RSPO4: variants seen among roughly 807,000 people sequenced by gnomAD.
RSPO4 encodes R-spondin-4.
A neutral mutation model predicts 24.8 loss-of-function variants in RSPO4; 23 were observed. The observed-to-expected ratio is 0.93, with a 90% CI of 0.67 to 1.31. The LOEUF is 1.31. RSPO4 is among the 40% of genes most tolerant of loss of function. The pLI, the probability that RSPO4 is intolerant of heterozygous loss-of-function variation, is 0.00. For missense variants in RSPO4, 333 were observed against 316.5 expected, an observed-to-expected ratio of 1.05 and a Z score of -0.39; for synonymous variants, 141 against 127.4, an observed-to-expected ratio of 1.11 and a Z score of -0.72.
At chr20:976,255 C>T (rs555343131) in intron 1 of RSPO4, among the ~76,000 whole-genome samples, 2 of 152,234 alleles carry the variant, frequency 1.3e-5, no homozygotes, top group African/African-American at 4.8e-5. Flanking sequence ...TGTCAACCAA[C>T]ATCTGGACCC....
At chr20:998,074 G>A (rs572529097) in intron 1 of RSPO4, among the ~76,000 whole-genome samples, 1 of 152,360 alleles carries the variant, frequency 6.6e-6, no homozygotes, top group Admixed American at 6.5e-5. Context: ...AGATGGGGAA[G>A]CACGGACGGG....
At chr20:993,743 T>C (rs1349906165) in intron 1 of RSPO4, among the ~76,000 whole-genome samples, 2 of 152,160 alleles carry the variant, frequency 1.3e-5, no homozygotes, top group Non-Finnish European at 2.9e-5. Context: ...ATTGCTAATA[T>C]TTGGCTGTTT....
rs183982065 is a variant in RSPO4, at chr20:987,522, A to G, written c.79+14564T>C. On this transcript the variant is annotated intron_variant, in intron 1 of 4. Transcript: ENST00000217260. ...GAACACTGTCCAGGTGCGGTGGCTC[A>G]CACCTGTAATCCCAGCACTTTGGGA... Among the ~76,000 whole-genome samples the G allele has an allele frequency of 8.7e-4, 133 of 152,198 alleles. 1 individual carries two copies. The highest frequency in any genetic ancestry group is 1.5e-3 in the Non-Finnish European group (105 of 68,008).
intron 1 of RSPO4, among the ~76,000 whole-genome samples, chr20:998,879 TGGTAGGA>T: frequency 6.6e-6 from 1 of 152,092 alleles, no homozygotes. Context: ...AGGTCAAAGC[TGGTAGGA>T]CCCTGAGGGA....
At chr20:978,514 C>T (rs1984638050) in intron 1 of RSPO4, among the ~76,000 whole-genome samples, 1 of 152,174 alleles carries the variant, frequency 6.6e-6, no homozygotes, top group African/African-American at 2.4e-5. Context: ...ACCCATTATG[C>T]CCATTCATTA....
rs958515829 is a variant in RSPO4, at chr20:970,870, C to A, written c.80-2732G>T. Among the ~76,000 whole-genome samples the A allele has an allele frequency of 2.0e-5, 3 of 152,176 alleles. No individual in the cohort carries two copies. Among genetic ancestry groups the A allele is most frequent in the Non-Finnish European group, 4.4e-5 (3 of 68,028 alleles). ...TTGTTTTGTTTTGTTAAGACAGGATCTTGCTCTGTCACCCAGGCTCCAGTG... is the reference window on the plus strand; with the variant it reads ...TTGTTTTGTTTTGTTAAGACAGGATATTGCTCTGTCACCCAGGCTCCAGTG... On this transcript the variant is annotated intron_variant, in intron 1 of 4. Coordinates refer to ENST00000217260, the MANE Select transcript of RSPO4 (RefSeq NM_001029871.4). This position sits in a 1 kb window ranked among gnomAD's most constrained non-coding sequence, Gnocchi z 4.1.
chr20:1,001,649 C>T (rs1391853536), intron 1 of RSPO4, among the ~76,000 whole-genome samples: 2 of 152,170 alleles, frequency 1.3e-5, no homozygotes, highest in African/African-American at 4.8e-5. Context: ...AGTGATGAGG[C>T]TGGGACTGGG....
chr20:979,538 CTA>C (rs1225153903), intron 1 of RSPO4, among the ~76,000 whole-genome samples: 1 of 152,036 alleles, frequency 6.6e-6, no homozygotes, highest in East Asian at 1.9e-4. Flanking sequence ...GAAGCATAGG[CTA>C]TGACACCCAT....
intron 1 of RSPO4, among the ~76,000 whole-genome samples, chr20:998,898 T>C (rs1487107637): frequency 1.3e-5 from 2 of 152,076 alleles, no homozygotes; most frequent in African/African-American, 4.8e-5. Flanking sequence ...CCTGAGGGAT[T>C]GTGTACAGAA....
chr20:1,002,011 G>GAA lies in RSPO4; in HGVS notation c.79+74_79+75insTT. On this transcript the variant is annotated intron_variant, in intron 1 of 4. Coordinates refer to ENST00000217260, the MANE Select transcript of RSPO4 (RefSeq NM_001029871.4). The surrounding 1 kb of genome is among the most constrained non-coding windows in gnomAD (Gnocchi z 4.6). ...GCACCAGGCAGATGCCCCCAGAGCCGCCGCCCCCGGTCCTCCGGCCCCCGG... is the reference window on the plus strand; with the variant it reads ...GCACCAGGCAGATGCCCCCAGAGCCGAACCGCCCCCGGTCCTCCGGCCCCCGG... 7.5e-7 allele frequency: 1 copy of GAA among 1,331,244 alleles called. No homozygotes were observed. Among genetic ancestry groups the GAA allele is most frequent in the Non-Finnish European group, 1.0e-6 (1 of 957,894 alleles). 82.5% of individuals were successfully genotyped at this position (1,331,244 alleles called of 1,614,324 possible).
intron 1 of RSPO4, among the ~76,000 whole-genome samples, chr20:996,931 C>G (rs968892105): frequency 6.6e-6 from 1 of 152,180 alleles, no homozygotes; most frequent in Non-Finnish European, 1.5e-5. Flanking sequence ...TCCTACTCCC[C>G]CCGATGGGGT....
At chr20:990,029 G>T (rs1219562742) in intron 1 of RSPO4, among the ~76,000 whole-genome samples, 1 of 152,184 alleles carries the variant, frequency 6.6e-6, no homozygotes, top group Non-Finnish European at 1.5e-5. Context: ...CATTGGCAGG[G>T]ATGAGAAAAC....
intron 1 of RSPO4, among the ~76,000 whole-genome samples, chr20:979,181 C>G (rs1392722847): frequency 6.6e-6 from 1 of 152,156 alleles, no homozygotes. Context: ...CCGTTCCCTG[C>G]TCCTGCCCTG....
At chr20:979,597 T>C (rs1252325070) in intron 1 of RSPO4, among the ~76,000 whole-genome samples, 1 of 152,170 alleles carries the variant, frequency 6.6e-6, no homozygotes, top group African/African-American at 2.4e-5. Flanking sequence ...CACGCAGACC[T>C]TTCTCCCCAA....
chr20:973,459 ATTGT>A (rs138891857), intron 1 of RSPO4, among the ~76,000 whole-genome samples: 34,359 of 150,502 alleles, frequency 0.23, 5,038 homozygotes, highest in African/African-American at 0.4. Flanking sequence ...TGTTTGTTTT[ATTGT>A]TTGTTTGTTT....
At chr20:975,170 C>T (rs976497626) in intron 1 of RSPO4, among the ~76,000 whole-genome samples, 1 of 152,118 alleles carries the variant, frequency 6.6e-6, no homozygotes, top group African/African-American at 2.4e-5. Context: ...TGCTTTGGCG[C>T]GGATGAGGAA....
chr20:986,432 A>G (rs775409584), intron 1 of RSPO4, among the ~76,000 whole-genome samples: 6 of 152,138 alleles, frequency 3.9e-5, no homozygotes, highest in Admixed American at 2.0e-4. Context: ...AGAATGAGAC[A>G]GCATGACATA....
At chr20:975,825 A>T (rs919441952) in intron 1 of RSPO4, among the ~76,000 whole-genome samples, 4 of 152,148 alleles carry the variant, frequency 2.6e-5, no homozygotes, top group African/African-American at 7.2e-5. Flanking sequence ...TACAAGCCTC[A>T]GTTTTTCCAG....
chr20:973,178 C>T (rs916687482), intron 1 of RSPO4, among the ~76,000 whole-genome samples: 4 of 152,218 alleles, frequency 2.6e-5, no homozygotes, highest in Admixed American at 1.3e-4. Context: ...GGGTGAGCCA[C>T]GCATGGCCCC....
Sources: allele counts gnomAD v4.1 joint callset (sites outside exome capture counted in the v4.1 genomes callset), GRCh38; gene constraint gnomAD v4.1.1; non-coding constraint Gnocchi (gnomAD v3.1); transcripts MANE v1.5; gene names NCBI Gene and HGNC (gene_info 2026-07-23, HGNC 2026-07-21).